Variants in SMARCC1 observed in about 807,000 individuals in gnomAD.
SMARCC1 encodes SWI/SNF related BAF chromatin remodeling complex subunit C1.
SMARCC1 carries 43 observed loss-of-function variants against 147.4 expected under a neutral mutation model. That is an observed-to-expected ratio of 0.29 (90% CI 0.23 to 0.38). The LOEUF (loss-of-function observed/expected upper bound fraction) is 0.38. Among genes scored for constraint, SMARCC1 ranks in the 10% least tolerant of loss-of-function variants. The probability of loss-of-function intolerance (pLI) is 1.00; values close to 1 mark genes in which losing one functional copy is unlikely to be tolerated. For synonymous variants in SMARCC1, 495 were observed against 484.4 expected (o/e 1.02, Z -0.29); for missense variants, 1,119 against 1,381.1 (o/e 0.81, Z 3.01).
intron 2 of SMARCC1, among the ~76,000 whole-genome samples, chr3:47,759,383 G>A (rs560840385): frequency 3.1e-3 from 462 of 151,294 alleles, no homozygotes; most frequent in African/African-American, 0.011. Flanking sequence ...AGCACTTTGG[G>A]AGGCTGAGGC....
At chr3:47,719,155 C>T (rs765815946) in intron 7 of SMARCC1, among the ~76,000 whole-genome samples, 55 of 151,910 alleles carry the variant, frequency 3.6e-4, no homozygotes, top group Non-Finnish European at 6.9e-4. Context: ...ACCTCGTGAT[C>T]CGCCCGCCTT....
intron 3 of SMARCC1, among the ~76,000 whole-genome samples, chr3:47,742,311 T>C (rs2034518339): frequency 6.6e-6 from 1 of 151,708 alleles, no homozygotes; most frequent in Admixed American, 6.6e-5. Context: ...TTTAGAACTG[T>C]AGGAAAAAAT....
chr3:47,737,641 T>G (rs1441560731), intron 4 of SMARCC1, among the ~76,000 whole-genome samples: 1 of 152,058 alleles, frequency 6.6e-6, no homozygotes, highest in Non-Finnish European at 1.5e-5. Context: ...TTTGTTTTTT[T>G]GAGAGCCAAT....
chr3:47,633,618 C>T (rs2032921388), intron 24 of SMARCC1, among the ~76,000 whole-genome samples: 1 of 150,840 alleles, frequency 6.6e-6, no homozygotes, highest in South Asian at 2.1e-4. Context: ...GTGATGGACG[C>T]CTCTAATCCC....
At chr3:47,774,776 A>G (rs1336228704) in intron 1 of SMARCC1, among the ~76,000 whole-genome samples, 1 of 152,024 alleles carries the variant, frequency 6.6e-6, no homozygotes, top group Admixed American at 6.6e-5. Flanking sequence ...AATTTGCAAC[A>G]AAAACTAGCA....
chr3:47,719,893 G>A (rs1398318220), intron 7 of SMARCC1, among the ~76,000 whole-genome samples: 2 of 151,900 alleles, frequency 1.3e-5, no homozygotes, highest in Non-Finnish European at 2.9e-5. Flanking sequence ...GCGCTACCAT[G>A]TCTGGTTAAC....
chr3:47,605,677 G>A (rs986454882), intron 26 of SMARCC1, among the ~76,000 whole-genome samples: 8 of 152,218 alleles, frequency 5.3e-5, no homozygotes, highest in Admixed American at 3.3e-4. Flanking sequence ...AGAGGCTGAG[G>A]TGGGAGGATG....
At position 47,587,645 on chromosome 3, in the gene SMARCC1, C is replaced by T. The variant is rs950937866; in HGVS notation, c.*564G>A. On this transcript the variant is annotated 3_prime_UTR_variant, in exon 28 of 28. Coordinates refer to ENST00000254480, the MANE Select transcript of SMARCC1 (RefSeq NM_003074.4). Reference sequence around the variant, plus strand: ...ATTTGTGTGTGGCAAAAGTCTCAAACTTTACCATCAGCACCATTCTTAGCT... The same window carrying T: ...ATTTGTGTGTGGCAAAAGTCTCAAATTTTACCATCAGCACCATTCTTAGCT... 1 of 152,734 alleles carries T rather than the reference C, an allele frequency of 6.5e-6. No homozygotes were observed. Among genetic ancestry groups the T allele is most frequent in the Non-Finnish European group, 1.5e-5 (1 of 68,132 alleles). The allele number at this position is 152,734 out of a possible 1,614,324, so 9.5% of individuals were successfully genotyped here. A position where few individuals can be genotyped will look rare whatever the true frequency, so the allele number is the denominator to read the frequency against.
intron 2 of SMARCC1, among the ~76,000 whole-genome samples, chr3:47,770,237 AAAT>A (rs1200704693): frequency 6.6e-6 from 1 of 151,828 alleles, no homozygotes; most frequent in African/African-American, 2.4e-5. Context: ...AAAAAAAAAT[AAAT>A]AATAAGGCTG....
chr3:47,754,076 T>C (rs547121170), intron 2 of SMARCC1, among the ~76,000 whole-genome samples: 2 of 152,346 alleles, frequency 1.3e-5, no homozygotes, highest in South Asian at 4.1e-4. Context: ...TAATGATAGG[T>C]CACTGCTACC....
At chr3:47,767,673 G>C (rs1005137680) in intron 2 of SMARCC1, among the ~76,000 whole-genome samples, 6 of 132,664 alleles carry the variant, frequency 4.5e-5, no homozygotes, top group African/African-American at 1.4e-4. Flanking sequence ...TTCGAGACCA[G>C]CTTGGCCAAC....
chr3:47,772,772 A>G (rs780638613), intron 2 of SMARCC1, 45 bp downstream of exon 2: 2 of 1,550,212 alleles, frequency 1.3e-6, no homozygotes, highest in Non-Finnish European at 1.8e-6. Context: ...CTAAAAGTAT[A>G]CAGCAACTGA....
intron 26 of SMARCC1, 72 bp from the exon 27 acceptor site, chr3:47,590,909 A>G: frequency 8.1e-7 from 1 of 1,232,774 alleles, no homozygotes; most frequent in Non-Finnish European, 1.1e-6. Flanking sequence ...CTTAAATCCA[A>G]CTCCTAAATA....
chr3:47,647,515 T>C (rs754155692), intron 21 of SMARCC1, among the ~76,000 whole-genome samples: 39 of 152,298 alleles, frequency 2.6e-4, no homozygotes, highest in Admixed American at 5.9e-4. Flanking sequence ...TGTAATCCCA[T>C]TGAAAGCCAA....
In SMARCC1 at chr3:47,662,436, C is replaced by T. The variant is rs150013184; in HGVS notation, c.2056G>A (p.Val686Ile). The T allele has an allele frequency of 3.1e-6, 5 of 1,614,018 alleles. No individual in the cohort carries two copies. The African/African-American group carries it at 5.3e-5, about 17-fold the overall frequency. Residue 686 changes from valine (V) to isoleucine (I), a missense_variant, in exon 20 of 28, where the codon GTC becomes ATC. Physicochemically the swap from Val to Ile is conservative, Grantham distance 29 (BLOSUM62 3). Coordinates refer to ENST00000254480, the MANE Select transcript of SMARCC1 (RefSeq NM_003074.4). The part of the protein sequence containing the change: ...ASLGPLAYQP[V>I]PFSQSGNPVM... ...GGATTTCCTGACTGACTGAAGGGGA[C>T]AGGCTGGTAGGCCAAAGGCCCAAGG... is the stretch of plus-strand genomic sequence containing the variant.
intron 6 of SMARCC1, among the ~76,000 whole-genome samples, chr3:47,724,881 T>C (rs1490511358): frequency 6.6e-6 from 1 of 151,820 alleles, no homozygotes; most frequent in Non-Finnish European, 1.5e-5. Flanking sequence ...GCAACATATC[T>C]CTACAAAAAT....
intron 18 of SMARCC1, among the ~76,000 whole-genome samples, chr3:47,671,515 G>A (rs1046672884): frequency 2.0e-4 from 31 of 152,130 alleles, no homozygotes; most frequent in Non-Finnish European, 3.1e-4. Context: ...AATTATGAAA[G>A]AATCTCCAAG....
At chr3:47,726,285 T>C (rs559362471) in intron 6 of SMARCC1, among the ~76,000 whole-genome samples, 3 of 151,522 alleles carry the variant, frequency 2.0e-5, no homozygotes, top group Admixed American at 2.0e-4. Flanking sequence ...AGAGAGAACA[T>C]GGCCCAGTCA....
At chr3:47,624,894 TAAAA>T (rs60766054) in intron 24 of SMARCC1, among the ~76,000 whole-genome samples, 1 of 111,740 alleles carries the variant, frequency 8.9e-6, no homozygotes, top group Non-Finnish European at 1.9e-5. Flanking sequence ...TACTAAAAAT[TAAAA>T]AAAAAAAAAA....
Sources: allele counts gnomAD v4.1 joint callset (sites outside exome capture counted in the v4.1 genomes callset), GRCh38; gene constraint gnomAD v4.1.1; transcripts MANE v1.5; gene names NCBI Gene and HGNC (gene_info 2026-07-23, HGNC 2026-07-21).